Variants in CSTPP1 observed in about 807,000 individuals in gnomAD.
The protein encoded by CSTPP1 is centriolar satellite-associated tubulin polyglutamylase complex regulator 1.
At chr11:47,084,629 T>G in the CSTPP1 span, among the ~76,000 whole-genome samples, 39 of 152,194 alleles carry the variant, frequency 2.6e-4, no homozygotes, top group Admixed American at 3.9e-4. Flanking sequence ...TGAGACAGTA[T>G]GATTTATTGA....
At chr11:47,098,386 T>C in the CSTPP1 span, among the ~76,000 whole-genome samples, 180 of 152,050 alleles carry the variant, frequency 1.2e-3, no homozygotes, top group South Asian at 6.9e-3. Context: ...TCCAGCATAC[T>C]ACTCTGGGGA....
At chr11:47,012,086 G>C in the CSTPP1 span, among the ~76,000 whole-genome samples, 1 of 151,632 alleles carries the variant, frequency 6.6e-6, no homozygotes, top group Admixed American at 6.6e-5. Flanking sequence ...ACCAACCTGG[G>C]CAACTTAGCA....
At chr11:47,134,393 G>A in the CSTPP1 span, among the ~76,000 whole-genome samples, 2 of 152,184 alleles carry the variant, frequency 1.3e-5, no homozygotes, top group Non-Finnish European at 2.9e-5. Context: ...TTTTTGCCAC[G>A]TTGGCCAGGC....
the CSTPP1 span, among the ~76,000 whole-genome samples, chr11:46,959,921 C>T: frequency 6.9e-6 from 1 of 145,440 alleles, no homozygotes; most frequent in African/African-American, 2.6e-5. Context: ...GGCTGGAATG[C>T]AATGGTGCGA....
the CSTPP1 span, among the ~76,000 whole-genome samples, chr11:47,142,088 C>T: frequency 4.0e-5 from 6 of 151,658 alleles, no homozygotes; most frequent in African/African-American, 1.5e-4. Flanking sequence ...ACTAAAAATA[C>T]AAAAATTAGC....
At chr11:47,112,483 G>A in the CSTPP1 span, among the ~76,000 whole-genome samples, 9 of 151,888 alleles carry the variant, frequency 5.9e-5, no homozygotes, top group African/African-American at 2.2e-4. Context: ...CACCATGCCC[G>A]GCTAATTTTT....
chr11:47,102,789 T>C, the CSTPP1 span, among the ~76,000 whole-genome samples: 1 of 152,160 alleles, frequency 6.6e-6, no homozygotes, highest in Non-Finnish European at 1.5e-5. Flanking sequence ...CATAGAAAAC[T>C]TGAACGAAAT....
the CSTPP1 span, among the ~76,000 whole-genome samples, chr11:47,092,544 G>T: frequency 6.6e-6 from 1 of 152,144 alleles, no homozygotes; most frequent in Admixed American, 6.5e-5. Context: ...ACAACAGATA[G>T]ATAACTTGAA....
At chr11:46,952,748 A>C in the CSTPP1 span, among the ~76,000 whole-genome samples, 1 of 152,162 alleles carries the variant, frequency 6.6e-6, no homozygotes, top group Non-Finnish European at 1.5e-5. Context: ...GTCCTTTGTA[A>C]ACATTTCCAA....
the CSTPP1 span, among the ~76,000 whole-genome samples, chr11:47,024,373 TCTC>T: frequency 2.0e-5 from 3 of 151,100 alleles, no homozygotes; most frequent in Non-Finnish European, 4.4e-5. Context: ...ATCTTCTCTC[TCTC>T]TTTTTTTTTT....
At chr11:46,979,082 T>C in the CSTPP1 span, among the ~76,000 whole-genome samples, 1 of 152,340 alleles carries the variant, frequency 6.6e-6, no homozygotes, top group Non-Finnish European at 1.5e-5. Context: ...GTAAATTTAA[T>C]GATAATTGAT....
At chr11:47,004,134 TTTG>T in the CSTPP1 span, among the ~76,000 whole-genome samples, 17 of 151,998 alleles carry the variant, frequency 1.1e-4, no homozygotes, top group Middle Eastern at 3.4e-3. Context: ...TCTTTTGTTT[TTTG>T]TTGTTGTTGT....
chr11:47,018,012 A>C, the CSTPP1 span, among the ~76,000 whole-genome samples: 3 of 152,182 alleles, frequency 2.0e-5, no homozygotes, highest in African/African-American at 7.2e-5. Flanking sequence ...TTCACTCTGC[A>C]TAATGCTTTG....
At chr11:47,161,678 T>TCCCACCCAGCCCTTGGTGTG in the CSTPP1 span, 6 of 1,563,192 alleles carry the variant, frequency 3.8e-6, no homozygotes, top group South Asian at 1.2e-5. Context: ...CTGTACCTGC[T>TCCCACCCAGCCCTTGGTGTG]CCCACCCAGC....
chr11:47,013,844 C>T, the CSTPP1 span, among the ~76,000 whole-genome samples: 2 of 152,194 alleles, frequency 1.3e-5, no homozygotes, highest in Non-Finnish European at 1.5e-5. Context: ...AACTAATTTA[C>T]ATTCCCACCA....
chr11:46,959,547 T>C, the CSTPP1 span, among the ~76,000 whole-genome samples: 1 of 152,194 alleles, frequency 6.6e-6, no homozygotes, highest in East Asian at 1.9e-4. Flanking sequence ...CTGCTTCTTA[T>C]GTAGACTTTT....
chr11:47,042,850 T>C, the CSTPP1 span, among the ~76,000 whole-genome samples: 1 of 152,196 alleles, frequency 6.6e-6, no homozygotes, highest in South Asian at 2.1e-4. Context: ...AGTGCAAATA[T>C]GCATTTTTAA....
At chr11:46,989,434 C>T in the CSTPP1 span, among the ~76,000 whole-genome samples, 17 of 152,168 alleles carry the variant, frequency 1.1e-4, 2 homozygotes, top group East Asian at 7.8e-4. Flanking sequence ...GTAGCTGGGA[C>T]TACAGGTATG....
At chr11:46,940,545 T>G in the CSTPP1 span, among the ~76,000 whole-genome samples, 5 of 152,224 alleles carry the variant, frequency 3.3e-5, no homozygotes, top group Non-Finnish European at 7.3e-5. Context: ...TCAATCTAAG[T>G]GACAGATAGT....
Sources: allele counts gnomAD v4.1 joint callset (sites outside exome capture counted in the v4.1 genomes callset), GRCh38; gene constraint gnomAD v4.1.1; transcripts MANE v1.5; gene names NCBI Gene and HGNC (gene_info 2026-07-23, HGNC 2026-07-21).